The following LRRC4C variants were observed in gnomAD, a reference collection of about 807,000 sequenced individuals.
The protein encoded by LRRC4C is leucine-rich repeat-containing protein 4C.
A neutral mutation model predicts 33.6 loss-of-function variants in LRRC4C; 5 were observed. That is an observed-to-expected ratio of 0.15 (90% CI 0.08 to 0.31). The LOEUF is 0.31. Among genes scored for constraint, LRRC4C ranks in the 10% least tolerant of loss-of-function variants. The pLI, the probability that LRRC4C is intolerant of heterozygous loss-of-function variation, is 1.00. For missense variants in LRRC4C, 560 were observed against 796.7 expected (o/e 0.70, Z 3.58); for synonymous variants, 329 against 302.0 (o/e 1.09, Z -0.93).
intron 2 of LRRC4C, among the ~76,000 whole-genome samples, chr11:40,779,194 T>TG (rs1320886866): frequency 6.6e-6 from 1 of 151,452 alleles, no homozygotes; most frequent in African/African-American, 2.4e-5. Context: ...AAGCAAGCAG[T>TG]GAAAAAAAAA....
At chr11:40,632,726 T>C (rs1963574269) in intron 3 of LRRC4C, among the ~76,000 whole-genome samples, 1 of 151,440 alleles carries the variant, frequency 6.6e-6, no homozygotes, top group Admixed American at 6.5e-5. Context: ...GTATTTCATC[T>C]TATTTATCTT....
intron 3 of LRRC4C, among the ~76,000 whole-genome samples, chr11:40,592,418 A>G (rs780501107): frequency 3.1e-4 from 47 of 152,190 alleles, no homozygotes; most frequent in Non-Finnish European, 2.8e-4. Flanking sequence ...CTGAAAATTC[A>G]CGTCAATAAC....
At chr11:41,290,520 G>T in intron 1 of LRRC4C, among the ~76,000 whole-genome samples, 1 of 152,140 alleles carries the variant, frequency 6.6e-6, no homozygotes, top group South Asian at 2.1e-4. Flanking sequence ...GCTTGCTGCT[G>T]AATGTATACT....
chr11:40,642,021 C>CTT (rs35297791), intron 3 of LRRC4C, among the ~76,000 whole-genome samples: 9,193 of 140,204 alleles, frequency 0.066, 888 homozygotes, highest in African/African-American at 0.21. Flanking sequence ...CCACAGGCTG[C>CTT]TTTTTTTTTT....
chr11:40,655,716 G>A (rs1402465989), intron 2 of LRRC4C, among the ~76,000 whole-genome samples: 1 of 152,096 alleles, frequency 6.6e-6, no homozygotes, highest in African/African-American at 2.4e-5. Context: ...TGAAGAGTGT[G>A]GCTGAAAATT....
Position 40,652,076 on chromosome 11 carries a change from G to A in LRRC4C, c.-406-3798C>T, listed in dbSNP as rs902185814. Among the ~76,000 whole-genome samples, 5 of 152,036 alleles carry A rather than the reference G, an allele frequency of 3.3e-5. 1 individual carries two copies. Among genetic ancestry groups the A allele is most frequent in the Non-Finnish European group, 1.5e-5 (1 of 68,012 alleles). ...ATATTTTACAGAAAAGGCTTAGCAG[G>A]GTCTCATTACTTTCCTGAAAGCCAC... On this transcript the variant is annotated intron_variant, in intron 2 of 6. Coordinates refer to ENST00000528697, the MANE Select transcript of LRRC4C (RefSeq NM_001258419.2).
intron 3 of LRRC4C, among the ~76,000 whole-genome samples, chr11:40,524,964 G>GA (rs1955977863): frequency 6.6e-6 from 1 of 152,140 alleles, no homozygotes. Flanking sequence ...GATCAAGGAA[G>GA]GCATCCCTCA....
intron 1 of LRRC4C, among the ~76,000 whole-genome samples, chr11:40,973,360 A>C (rs1170079460): frequency 6.6e-6 from 1 of 152,206 alleles, no homozygotes; most frequent in Non-Finnish European, 1.5e-5. Flanking sequence ...TAAAGGAAAC[A>C]AACAAAAACC....
chr11:40,616,667 A>T (rs1294733551), intron 3 of LRRC4C, among the ~76,000 whole-genome samples: 1 of 151,856 alleles, frequency 6.6e-6, no homozygotes, highest in Non-Finnish European at 1.5e-5. Context: ...AGGACAAAAA[A>T]CCAAACACTG....
intron 1 of LRRC4C, among the ~76,000 whole-genome samples, chr11:41,071,628 A>T (rs1938692233): frequency 6.6e-6 from 1 of 152,190 alleles, no homozygotes; most frequent in Non-Finnish European, 1.5e-5. Flanking sequence ...ATACAAGGAG[A>T]TTAATGTTTT....
intron 2 of LRRC4C, among the ~76,000 whole-genome samples, chr11:40,876,614 G>T (rs899536319): frequency 6.6e-6 from 1 of 151,848 alleles, no homozygotes; most frequent in East Asian, 1.9e-4. Flanking sequence ...TTTTCTAAAA[G>T]AAATCTCAGG....
chr11:41,145,471 A>G (rs948182527), intron 1 of LRRC4C, among the ~76,000 whole-genome samples: 2 of 118,276 alleles, frequency 1.7e-5, no homozygotes, highest in Admixed American at 1.6e-4. Flanking sequence ...TTTATAAATA[A>G]GGTTTTATTG....
chr11:40,966,873 G>T (rs150418816), intron 1 of LRRC4C, among the ~76,000 whole-genome samples: 16 of 152,002 alleles, frequency 1.1e-4, no homozygotes, highest in Admixed American at 2.0e-4. Flanking sequence ...TATTGCTGAT[G>T]AATGTGAGTC....
chr11:41,263,196 C>A (rs560250414), intron 1 of LRRC4C, among the ~76,000 whole-genome samples: 11 of 152,206 alleles, frequency 7.2e-5, no homozygotes, highest in Non-Finnish European at 1.3e-4. Flanking sequence ...CAAGTGAAAC[C>A]TATGCTTCTG....
rs72276649 is a variant in LRRC4C, at chr11:41,201,921, AACACAC to A, written c.-496+257504_-496+257509del. Among the ~76,000 whole-genome samples the A allele has an allele frequency of 5.0e-3, 755 of 150,738 alleles. 5 individuals are homozygous for A. The highest frequency in any genetic ancestry group is 0.016 in the African/African-American group (656 of 41,016). The stretch of plus-strand genomic sequence containing the variant: ...ACACACACACACATACACACACACA[AACACAC>A]ACACACACACACACACACAAGTCCA... On this transcript the variant is annotated intron_variant, in intron 1 of 6. Coordinates refer to ENST00000528697, the MANE Select transcript of LRRC4C (RefSeq NM_001258419.2).
chr11:41,391,637 A>G (rs972354177), intron 1 of LRRC4C, among the ~76,000 whole-genome samples: 1 of 151,896 alleles, frequency 6.6e-6, no homozygotes, highest in Admixed American at 6.6e-5. Flanking sequence ...TCCACATTTG[A>G]TAAGTATTTA....
In LRRC4C at chr11:40,413,635, G is replaced by A. The variant is rs1022598161; in HGVS notation, c.-269-93914C>T. ...TCAGCTCCTTCAAATTAGCAGTTACGTAAAATCTACTTCTGTGTGAATTGT... is the reference window on the plus strand; with the variant it reads ...TCAGCTCCTTCAAATTAGCAGTTACATAAAATCTACTTCTGTGTGAATTGT... On this transcript the variant is annotated intron_variant, in intron 3 of 6. Coordinates refer to ENST00000528697, the MANE Select transcript of LRRC4C (RefSeq NM_001258419.2). Among the ~76,000 whole-genome samples, 6 of 152,024 alleles carry A rather than the reference G, an allele frequency of 3.9e-5. No individual in the cohort carries two copies. In the South Asian group the frequency reaches 6.2e-4, roughly 16 times the overall value.
At chr11:40,723,154 GA>G (rs1458062907) in intron 2 of LRRC4C, among the ~76,000 whole-genome samples, 2 of 152,014 alleles carry the variant, frequency 1.3e-5, no homozygotes, top group African/African-American at 4.8e-5. Flanking sequence ...GAGAGAAGAA[GA>G]GAGAGTAACC....
At chr11:40,577,262 T>C (rs1235359196) in intron 3 of LRRC4C, among the ~76,000 whole-genome samples, 2 of 152,208 alleles carry the variant, frequency 1.3e-5, no homozygotes, top group Admixed American at 1.3e-4. Context: ...AGATAAAGCC[T>C]ATGGGAAAAC....
Sources: allele counts gnomAD v4.1 joint callset (sites outside exome capture counted in the v4.1 genomes callset), GRCh38; gene constraint gnomAD v4.1.1; transcripts MANE v1.5; gene names NCBI Gene and HGNC (gene_info 2026-07-23, HGNC 2026-07-21).